Variants in RBMS3 observed in about 807,000 individuals in gnomAD.
RBMS3 encodes RNA binding motif single stranded interacting protein 3, also known as RNA-binding motif, single-stranded-interacting protein 3.
RBMS3 carries 27 observed loss-of-function variants against 66.8 expected under a neutral mutation model. The ratio of observed to expected loss-of-function variants is 0.40; its 90% CI spans 0.30 to 0.56. RBMS3 has a LOEUF of 0.56. RBMS3 is among the 20% of genes least tolerant of loss of function. The probability of loss-of-function intolerance (pLI) is 0.40; values close to 1 mark genes in which losing one functional copy is unlikely to be tolerated. For synonymous variants in RBMS3, 188 were observed against 183.0 expected, an observed-to-expected ratio of 1.03 and a Z score of -0.22; for missense variants, 513 against 549.5, an observed-to-expected ratio of 0.93 and a Z score of 0.66.
intron 12 of RBMS3, among the ~76,000 whole-genome samples, chr3:29,966,672 A>G (rs1017742688): frequency 4.6e-5 from 7 of 152,078 alleles, no homozygotes; most frequent in African/African-American, 1.7e-4. Flanking sequence ...ACTGATTTGG[A>G]TGCCCTTTAT....
intron 4 of RBMS3, among the ~76,000 whole-genome samples, chr3:29,709,159 T>G (rs73829312): frequency 0.079 from 11,994 of 152,114 alleles, 1,588 homozygotes; most frequent in African/African-American, 0.27. Context: ...TACACATGAC[T>G]CCCTCTAAAC....
intron 2 of RBMS3, among the ~76,000 whole-genome samples, chr3:29,475,558 C>T (rs1350844531): frequency 1.3e-5 from 2 of 152,104 alleles, no homozygotes; most frequent in Non-Finnish European, 2.9e-5. Flanking sequence ...CCAATTTCTC[C>T]TTTTCTTATT....
intron 4 of RBMS3, among the ~76,000 whole-genome samples, chr3:29,613,593 G>A (rs1166199641): frequency 6.6e-6 from 1 of 151,982 alleles, no homozygotes; most frequent in Non-Finnish European, 1.5e-5. Context: ...TGGAATATCA[G>A]CAAAGGAGTG....
At chr3:29,741,521 C>G (rs2054647106) in intron 5 of RBMS3, among the ~76,000 whole-genome samples, 1 of 152,134 alleles carries the variant, frequency 6.6e-6, no homozygotes, top group South Asian at 2.1e-4. Flanking sequence ...CATCCCTTGC[C>G]CTCCAAAAAC....
At chr3:29,599,707 A>C (rs1235083795) in intron 4 of RBMS3, among the ~76,000 whole-genome samples, 1 of 152,136 alleles carries the variant, frequency 6.6e-6, no homozygotes, top group Non-Finnish European at 1.5e-5. Context: ...GGTTAACTAA[A>C]AAGGAACAAA....
intron 7 of RBMS3, chr3:29,880,735 G>T: frequency 6.6e-7 from 1 of 1,511,212 alleles, no homozygotes; most frequent in Non-Finnish European, 8.9e-7. Context: ...TGTTCCAAAT[G>T]CATATGACCT....
chr3:29,307,897 A>G (rs1289329840), intron 1 of RBMS3, among the ~76,000 whole-genome samples: 4 of 151,840 alleles, frequency 2.6e-5, no homozygotes, highest in Non-Finnish European at 5.9e-5. Flanking sequence ...GTATATATTA[A>G]ATTCATTTTG....
chr3:29,381,129 G>C (rs1425676058), intron 1 of RBMS3, among the ~76,000 whole-genome samples: 1 of 152,126 alleles, frequency 6.6e-6, no homozygotes. Flanking sequence ...GAGGAAGTGA[G>C]TATGAGAGAA....
At chr3:29,970,364 G>A (rs1697145486) in intron 12 of RBMS3, among the ~76,000 whole-genome samples, 2 of 152,042 alleles carry the variant, frequency 1.3e-5, no homozygotes, top group Admixed American at 1.3e-4. Flanking sequence ...TTTTCTTTTT[G>A]TTTGATTTTG....
At chr3:29,618,398 C>T (rs1409399745) in intron 4 of RBMS3, among the ~76,000 whole-genome samples, 2 of 151,820 alleles carry the variant, frequency 1.3e-5, no homozygotes, top group Non-Finnish European at 2.9e-5. Flanking sequence ...CCCAGCTACC[C>T]AGGAGGCTGA....
At chr3:29,937,054 C>G (rs890513020) in intron 11 of RBMS3, among the ~76,000 whole-genome samples, 8 of 151,912 alleles carry the variant, frequency 5.3e-5, no homozygotes, top group Non-Finnish European at 1.0e-4. Flanking sequence ...TTTAACAAAA[C>G]ATAGAAATAA....
chr3:29,532,502 G>A (rs538443348), intron 3 of RBMS3, among the ~76,000 whole-genome samples: 39 of 151,810 alleles, frequency 2.6e-4, no homozygotes, highest in African/African-American at 8.4e-4. Flanking sequence ...AAGTTTCCAA[G>A]CTCTTACAAA....
chr3:29,285,365 GCC>G (rs2032232976), intron 1 of RBMS3, among the ~76,000 whole-genome samples: 1 of 151,862 alleles, frequency 6.6e-6, no homozygotes, highest in Non-Finnish European at 1.5e-5. Flanking sequence ...TTTTTTTCCA[GCC>G]GAGAAATAGA....
At position 29,937,083 on chromosome 3, in the gene RBMS3, C is replaced by T. The variant is rs566390008; in HGVS notation, c.1050+887C>T. 2.2e-4 allele frequency among the ~76,000 whole-genome samples: 34 copies of T among 152,062 alleles called. 1 individual carries two copies. In the South Asian group the frequency reaches 6.6e-3, roughly 30 times the overall value. On this transcript the variant is annotated intron_variant, in intron 11 of 14. Coordinates refer to ENST00000383767, the MANE Select transcript of RBMS3 (RefSeq NM_001003793.3). ...GAAATAAAAATATGTTTTCTTTTGA[C>T]TGAGGCAGCTTAAATATTGAAGAAA... is the stretch of plus-strand genomic sequence containing the variant.
intron 2 of RBMS3, among the ~76,000 whole-genome samples, chr3:29,465,046 G>C (rs1317310894): frequency 6.6e-6 from 1 of 152,106 alleles, no homozygotes; most frequent in Non-Finnish European, 1.5e-5. Context: ...CGTAAATGAA[G>C]AGTAAATAAT....
chr3:29,778,442 T>TG (rs2056501784), intron 6 of RBMS3, among the ~76,000 whole-genome samples: 1 of 151,748 alleles, frequency 6.6e-6, no homozygotes, highest in South Asian at 2.1e-4. Flanking sequence ...TTTTTTTTTT[T>TG]TGTGCAAGGG....
rs544408974 is a variant in RBMS3, at chr3:29,838,242, G to T, written c.638-30616G>T. On this transcript the variant is annotated intron_variant, in intron 6 of 14. Transcript: ENST00000383767. ...AAATCCCACCTACTGAGGAGGCCAG[G>T]GTGGGAGAATTACTTGAGCTTGAGA... Among the ~76,000 whole-genome samples the T allele has an allele frequency of 2.6e-5, 4 of 151,736 alleles. No homozygotes were observed. The East Asian group carries it at 7.8e-4, about 29-fold the overall frequency.
intron 1 of RBMS3, among the ~76,000 whole-genome samples, chr3:29,430,549 G>T (rs965425971): frequency 2.0e-5 from 3 of 152,128 alleles, no homozygotes. Flanking sequence ...GCCTTTTGGA[G>T]GACACGTTTA....
At chr3:29,730,740 G>A (rs988172716) in intron 4 of RBMS3, 1 of 424,146 alleles carries the variant, frequency 2.4e-6, no homozygotes, top group African/African-American at 2.2e-5. Context: ...ATATTGAGTA[G>A]TTCTCTATAG....
Sources: gnomAD v4.1 joint callset for allele counts (sites outside exome capture counted in the v4.1 genomes callset) on GRCh38, gnomAD v4.1.1 for gene constraint, MANE v1.5 for transcripts, NCBI Gene and HGNC (gene_info 2026-07-23, HGNC 2026-07-21) for gene names.